The following GABRG3 variants were observed in gnomAD, a reference collection of about 807,000 sequenced individuals.
GABRG3 encodes the protein gamma-aminobutyric acid receptor subunit gamma-3.
GABRG3 carries 25 observed loss-of-function variants against 48.8 expected under a neutral mutation model. That is an observed-to-expected ratio of 0.51 (90% CI 0.37 to 0.72). The LOEUF is 0.72. Ranked by LOEUF, GABRG3 falls within the 30% of genes least tolerant of loss-of-function variation. The probability of loss-of-function intolerance (pLI) is 0.00; values close to 1 mark genes in which losing one functional copy is unlikely to be tolerated. For missense variants in GABRG3, 394 were observed against 577.9 expected, an observed-to-expected ratio of 0.68 and a Z score of 3.26; for synonymous variants, 227 against 217.6, an observed-to-expected ratio of 1.04 and a Z score of -0.38.
chr15:27,524,536 C>T (rs1267902317), intron 7 of GABRG3, among the ~76,000 whole-genome samples: 1 of 151,966 alleles, frequency 6.6e-6, no homozygotes, highest in African/African-American at 2.4e-5. Context: ...CATAATGCTA[C>T]TTGATGTAAT....
intron 6 of GABRG3, among the ~76,000 whole-genome samples, chr15:27,506,526 T>A (rs1261536143): frequency 6.6e-6 from 1 of 152,192 alleles, no homozygotes; most frequent in East Asian, 1.9e-4. Flanking sequence ...GGGAGCTGAA[T>A]TCTGCCAAAA....
chr15:27,282,702 T>C (rs1296242309), intron 3 of GABRG3, among the ~76,000 whole-genome samples: 1 of 152,236 alleles, frequency 6.6e-6, no homozygotes, highest in Non-Finnish European at 1.5e-5. Flanking sequence ...ATCATTCTAA[T>C]GTCTTGTCAT....
chr15:27,308,732 C>T (rs1343586939), intron 3 of GABRG3, among the ~76,000 whole-genome samples: 2 of 149,314 alleles, frequency 1.3e-5, no homozygotes, highest in Non-Finnish European at 3.0e-5. Context: ...ATAATGTAAA[C>T]ATACGTTTAT....
chr15:27,057,295 G>A (rs1194636762), intron 3 of GABRG3, among the ~76,000 whole-genome samples: 1 of 152,168 alleles, frequency 6.6e-6, no homozygotes, highest in Non-Finnish European at 1.5e-5. Flanking sequence ...CAGGACAAAA[G>A]TCACAGAACA....
At chr15:27,522,087 C>T (rs1012112830) in intron 7 of GABRG3, among the ~76,000 whole-genome samples, 1 of 151,804 alleles carries the variant, frequency 6.6e-6, no homozygotes, top group African/African-American at 2.4e-5. Flanking sequence ...TGATGACAAT[C>T]AAAAATAAAG....
chr15:27,114,961 A>G (rs988362925), intron 3 of GABRG3, among the ~76,000 whole-genome samples: 5 of 152,204 alleles, frequency 3.3e-5, no homozygotes, highest in Non-Finnish European at 5.9e-5. Flanking sequence ...AAGTCTCTCA[A>G]TAGATGCTAT....
chr15:27,187,145 C>T (rs932648838), intron 3 of GABRG3, among the ~76,000 whole-genome samples: 1 of 152,152 alleles, frequency 6.6e-6, no homozygotes, highest in Non-Finnish European at 1.5e-5. Flanking sequence ...ATGTGGCTGG[C>T]AGACCAGTTA....
chr15:27,239,977 G>T (rs1890086605), intron 3 of GABRG3, among the ~76,000 whole-genome samples: 1 of 152,092 alleles, frequency 6.6e-6, no homozygotes, highest in Non-Finnish European at 1.5e-5. Flanking sequence ...AGTAATGATT[G>T]GTTATGCAGC....
intron 5 of GABRG3, among the ~76,000 whole-genome samples, chr15:27,337,260 A>G (rs1435485983): frequency 6.6e-6 from 1 of 152,150 alleles, no homozygotes; most frequent in Non-Finnish European, 1.5e-5. Context: ...TAGCTGTCTG[A>G]TTGAAATACA....
intron 6 of GABRG3, among the ~76,000 whole-genome samples, chr15:27,508,062 G>A (rs1269553946): frequency 6.6e-6 from 1 of 152,124 alleles, no homozygotes; most frequent in Non-Finnish European, 1.5e-5. Flanking sequence ...TACTTAAAGT[G>A]GCTTTTATGC....
intron 3 of GABRG3, among the ~76,000 whole-genome samples, chr15:27,247,842 G>C (rs1403043496): frequency 2.0e-5 from 3 of 152,150 alleles, no homozygotes; most frequent in African/African-American, 7.2e-5. Flanking sequence ...TCACTACCAT[G>C]AGAACAGTAT....
intron 6 of GABRG3, among the ~76,000 whole-genome samples, chr15:27,499,912 G>T (rs576751085): frequency 2.6e-5 from 4 of 152,186 alleles, no homozygotes; most frequent in African/African-American, 9.7e-5. Flanking sequence ...AGGCTGCCTC[G>T]GACCTGGTGG....
intron 3 of GABRG3, among the ~76,000 whole-genome samples, chr15:27,174,584 GTC>G (rs150022606): frequency 0.02 from 2,795 of 139,040 alleles, 44 homozygotes; most frequent in Admixed American, 0.054. Flanking sequence ...TCTCTCTCTC[GTC>G]TCTCTCTCTC....
chr15:27,028,047 C>T (rs1896014941), intron 3 of GABRG3, among the ~76,000 whole-genome samples: 1 of 152,186 alleles, frequency 6.6e-6, no homozygotes, highest in Non-Finnish European at 1.5e-5. Context: ...AGGGATTTTC[C>T]TGCAGGCCTT....
chr15:27,296,840 T>G (rs1172279029), intron 3 of GABRG3, among the ~76,000 whole-genome samples: 2 of 134,528 alleles, frequency 1.5e-5, no homozygotes, highest in African/African-American at 2.9e-5. Context: ...TAAAATGTAC[T>G]CCTTCTACTT....
intron 3 of GABRG3, among the ~76,000 whole-genome samples, chr15:27,162,711 C>A (rs1887236802): frequency 6.6e-6 from 1 of 152,126 alleles, no homozygotes; most frequent in Admixed American, 6.5e-5. Flanking sequence ...ATGTGTGAAG[C>A]ATCTTCTGAT....
rs939006852 is a variant in GABRG3 at position 27,112,594 on chromosome 15, C to G, written c.270+85773C>G. ...TAGCTGGGACTACTGGTGCCCCCCA[C>G]CACAGCCGCTAATTTTTGTATTTTT... On this transcript the variant is annotated intron_variant, in intron 3 of 9. Coordinates refer to ENST00000615808, the MANE Select transcript of GABRG3 (RefSeq NM_033223.5). Among the ~76,000 whole-genome samples the G allele has an allele frequency of 2.0e-5, 3 of 152,112 alleles. No individual in the cohort carries two copies. The South Asian group carries it at 6.2e-4, about 32-fold the overall frequency.
intron 3 of GABRG3, among the ~76,000 whole-genome samples, chr15:27,099,455 T>G (rs977704220): frequency 6.6e-6 from 1 of 152,200 alleles, no homozygotes; most frequent in African/African-American, 2.4e-5. Flanking sequence ...TGTGCCTGTG[T>G]TCAAGTTTTC....
intron 3 of GABRG3, among the ~76,000 whole-genome samples, chr15:27,051,334 A>G (rs1484372232): frequency 2.6e-5 from 4 of 152,210 alleles, no homozygotes; most frequent in Non-Finnish European, 5.9e-5. Context: ...TCTATCCATC[A>G]ATGTCCATCC....
Sources: allele counts gnomAD v4.1 joint callset (sites outside exome capture counted in the v4.1 genomes callset), GRCh38; gene constraint gnomAD v4.1.1; transcripts MANE v1.5; gene names NCBI Gene and HGNC (gene_info 2026-07-23, HGNC 2026-07-21).